Variants in GNG12 observed in about 807,000 individuals in gnomAD.
GNG12 encodes the protein guanine nucleotide-binding protein G(I)/G(S)/G(O) subunit gamma-12.
For synonymous variants in GNG12, 28 were observed against 29.7 expected (o/e 0.94, Z 0.19); for missense variants, 69 against 83.8 (o/e 0.82, Z 0.69).
chr1:67,717,970 G>A (rs1646336001), intron 2 of GNG12, among the ~76,000 whole-genome samples: 1 of 152,176 alleles, frequency 6.6e-6, no homozygotes. Flanking sequence ...TTACCTTAAA[G>A]AGTTGTTACA....
intron 2 of GNG12, among the ~76,000 whole-genome samples, chr1:67,738,385 A>C (rs1646464109): frequency 1.3e-5 from 2 of 152,168 alleles, no homozygotes; most frequent in Admixed American, 1.3e-4. Flanking sequence ...TACATAACTG[A>C]ATGCTTGTCC....
intron 2 of GNG12, among the ~76,000 whole-genome samples, chr1:67,724,310 T>C (rs189245762): frequency 1.3e-5 from 2 of 152,278 alleles, no homozygotes; most frequent in East Asian, 3.9e-4. Context: ...CAGGAAGGAA[T>C]GAACTGCTCA....
At chr1:67,748,907 A>G (rs1012624233) in intron 2 of GNG12, among the ~76,000 whole-genome samples, 3 of 152,080 alleles carry the variant, frequency 2.0e-5, no homozygotes, top group Non-Finnish European at 2.9e-5. Context: ...GCATTCTTCC[A>G]TAACACATGT....
intron 1 of GNG12, among the ~76,000 whole-genome samples, chr1:67,824,768 T>C (rs1647002579): frequency 6.6e-6 from 1 of 152,088 alleles, no homozygotes; most frequent in Non-Finnish European, 1.5e-5. Flanking sequence ...AAACCTGGGT[T>C]TAGGCAGGTA....
At chr1:67,829,315 T>C (rs548081592) in intron 1 of GNG12, among the ~76,000 whole-genome samples, 97 of 152,316 alleles carry the variant, frequency 6.4e-4, no homozygotes, top group Non-Finnish European at 1.1e-3. Flanking sequence ...AAAAAGAAAA[T>C]GGAATTGAGA....
rs991519090 is a variant in GNG12, at chr1:67,797,900, C to T, written c.-76-20393G>A. ...CTGTAAACAGGGCTGAGGTGACACG[C>T]GTCTCCACTGGCACCACTGGATGAC... On this transcript the variant is annotated intron_variant, in intron 1 of 3. Coordinates refer to ENST00000370982, the MANE Select transcript of GNG12 (RefSeq NM_018841.6). 2.6e-5 allele frequency among the ~76,000 whole-genome samples: 4 copies of T among 152,292 alleles called. No individual in the cohort carries two copies. The East Asian group carries it at 7.7e-4, about 29-fold the overall frequency.
chr1:67,724,758 A>G (rs1455630758), intron 2 of GNG12, among the ~76,000 whole-genome samples: 2 of 152,228 alleles, frequency 1.3e-5, no homozygotes, highest in Non-Finnish European at 2.9e-5. Flanking sequence ...ATAAGAGTAC[A>G]GAGTGGGTGG....
At chr1:67,814,790 C>G (rs2249594) in intron 1 of GNG12, among the ~76,000 whole-genome samples, 151,111 of 152,350 alleles carry the variant, frequency 0.99, 74,954 homozygotes, top group East Asian at 1. Flanking sequence ...GGGTAGTGTA[C>G]TCAAACAGGC....
At chr1:67,792,488 T>C (rs1646807353) in intron 1 of GNG12, among the ~76,000 whole-genome samples, 1 of 152,216 alleles carries the variant, frequency 6.6e-6, no homozygotes. Flanking sequence ...CCCATTGGGG[T>C]GTTTTGATAT....
In GNG12 at chr1:67,702,878, T is replaced by C. The variant is rs1646223611; in HGVS notation, c.*2573A>G. On this transcript the variant is annotated 3_prime_UTR_variant, in exon 4 of 4. Transcript: ENST00000370982. The stretch of plus-strand genomic sequence containing the variant: ...ATGGAAATGAAGCCAAGAAGTTGCA[T>C]GTATATACGTGAGAAAGATTATCAT... 1 of 152,196 alleles carries C rather than the reference T, an allele frequency of 6.6e-6. No individual in the cohort carries two copies. Among genetic ancestry groups the C allele is most frequent in the Non-Finnish European group, 1.5e-5 (1 of 68,028 alleles). The allele number at this position is 152,196 out of a possible 1,614,324, so 9.4% of individuals were successfully genotyped here. A position where few individuals can be genotyped will look rare whatever the true frequency, so the allele number is the denominator to read the frequency against.
At chr1:67,736,067 T>C (rs1333389675) in intron 2 of GNG12, among the ~76,000 whole-genome samples, 2 of 152,134 alleles carry the variant, frequency 1.3e-5, no homozygotes, top group Non-Finnish European at 2.9e-5. Flanking sequence ...TTCTCATCAC[T>C]GAACTGAAAA....
chr1:67,825,832 G>A (rs945697018), intron 1 of GNG12, among the ~76,000 whole-genome samples: 1 of 152,076 alleles, frequency 6.6e-6, no homozygotes, highest in African/African-American at 2.4e-5. Flanking sequence ...GGTGACCCTG[G>A]CAAGTATTAG....
intron 2 of GNG12, among the ~76,000 whole-genome samples, chr1:67,714,756 C>T (rs181144070): frequency 8.2e-4 from 125 of 152,292 alleles, no homozygotes; most frequent in African/African-American, 2.9e-3. Context: ...CCCAGTAATT[C>T]AGAACATGAC....
intron 1 of GNG12, among the ~76,000 whole-genome samples, chr1:67,798,196 G>A (rs1389849068): frequency 6.6e-6 from 1 of 152,164 alleles, no homozygotes; most frequent in African/African-American, 2.4e-5. Flanking sequence ...GCGGCAGGAA[G>A]CGAGCAGTAC....
At chr1:67,713,377 C>T (rs1471069670) in intron 2 of GNG12, among the ~76,000 whole-genome samples, 1 of 152,154 alleles carries the variant, frequency 6.6e-6, no homozygotes, top group African/African-American at 2.4e-5. Context: ...GGTTTTAATG[C>T]TGTGTTTCAT....
At chr1:67,778,419 AG>A (rs1646718784) in intron 1 of GNG12, among the ~76,000 whole-genome samples, 1 of 152,168 alleles carries the variant, frequency 6.6e-6, no homozygotes, top group African/African-American at 2.4e-5. Flanking sequence ...GGTATTGGTA[AG>A]GCTTCAAGAA....
At chr1:67,820,841 A>G (rs1479473264) in intron 1 of GNG12, among the ~76,000 whole-genome samples, 1 of 152,196 alleles carries the variant, frequency 6.6e-6, no homozygotes, top group Non-Finnish European at 1.5e-5. Context: ...CATCCAGTTT[A>G]CTGCCGGGAC....
chr1:67,761,899 C>A (rs1646607652), intron 2 of GNG12, among the ~76,000 whole-genome samples: 1 of 152,020 alleles, frequency 6.6e-6, no homozygotes, highest in East Asian at 1.9e-4. Context: ...CACTCCAGGA[C>A]CAAAGAAAGC....
At chr1:67,765,554 C>T (rs7530537) in intron 2 of GNG12, among the ~76,000 whole-genome samples, 21,078 of 152,086 alleles carry the variant, frequency 0.14, 2,152 homozygotes, top group African/African-American at 0.29. Flanking sequence ...GGTGTTAGAA[C>T]AAGATCATAT....
Sources: allele counts gnomAD v4.1 joint callset (sites outside exome capture counted in the v4.1 genomes callset), GRCh38; gene constraint gnomAD v4.1.1; transcripts MANE v1.5; gene names NCBI Gene and HGNC (gene_info 2026-07-23, HGNC 2026-07-21).